TTC13: variants seen among roughly 807,000 people sequenced by gnomAD.
TTC13 encodes the protein tetratricopeptide repeat domain 13.
In TTC13, 62 loss-of-function variants were observed where a neutral mutation model predicts 120.0. The observed-to-expected ratio is 0.52, with a 90% confidence interval of 0.42 to 0.64. The LOEUF (loss-of-function observed/expected upper bound fraction) is 0.64. TTC13 is among the 30% of genes least tolerant of loss of function. The pLI is 0.00. For synonymous variants in TTC13, 384 were observed against 393.5 expected, an observed-to-expected ratio of 0.98 and a Z score of 0.28; for missense variants, 824 against 1,050.2, an observed-to-expected ratio of 0.78 and a Z score of 2.98.
At position 230,911,473 on chromosome 1, in the gene TTC13, G is replaced by A. The variant is rs1665304602; in HGVS notation, c.2306C>T (p.Ser769Phe). ...TTAATGACAGGATATTACTTACCTG[G>A]ATCCTCGAGAGAGTGGCATTAAATT... ...FYNLMPLSRGSSVIAYSVIVG... is the reference protein window; with the variant it reads ...FYNLMPLSRGFSVIAYSVIVG... The change falls in exon 20 of 23, where the codon TCC (serine) becomes TTC (phenylalanine). Residue 769 changes from serine to phenylalanine, a missense_variant. Physicochemically the swap from Ser to Phe is radical, Grantham distance 155. Coordinates refer to ENST00000366661, the MANE Select transcript of TTC13 (RefSeq NM_024525.5). 6.3e-7 allele frequency: 1 copy of A among 1,586,146 alleles called. No homozygotes were observed. The highest frequency in any genetic ancestry group is 8.6e-7 in the Non-Finnish European group (1 of 1,165,592).
intron 4 of TTC13, among the ~76,000 whole-genome samples, chr1:230,953,754 A>G (rs865858125): frequency 2.0e-5 from 3 of 152,358 alleles, no homozygotes; most frequent in African/African-American, 7.2e-5. Context: ...GGCAGCTACC[A>G]GCCTTCTTTG....
At chr1:230,971,469 G>A (rs1677741573) in intron 1 of TTC13, among the ~76,000 whole-genome samples, 1 of 151,752 alleles carries the variant, frequency 6.6e-6, no homozygotes, top group African/African-American at 2.4e-5. Context: ...AAAATGCTCT[G>A]AAGAATTTAT....
At chr1:230,962,645 C>T (rs1286025998) in intron 1 of TTC13, among the ~76,000 whole-genome samples, 1 of 152,146 alleles carries the variant, frequency 6.6e-6, no homozygotes, top group African/African-American at 2.4e-5. Context: ...TATACATGTT[C>T]ATAGTAGCGC....
chr1:230,935,768 A>G (rs1253029883), intron 8 of TTC13, among the ~76,000 whole-genome samples: 1 of 152,196 alleles, frequency 6.6e-6, no homozygotes, highest in African/African-American at 2.4e-5. Flanking sequence ...CAGACTAGAG[A>G]CAGAAGGGAA....
intron 1 of TTC13, among the ~76,000 whole-genome samples, chr1:230,972,851 G>A (rs1677905011): frequency 6.6e-6 from 1 of 152,206 alleles, no homozygotes; most frequent in Non-Finnish European, 1.5e-5. Context: ...GCTATAAAAT[G>A]CTACTTCTAA....
At position 230,954,387 on chromosome 1, in the gene TTC13, C is replaced by G; in HGVS notation, c.459G>C (p.Leu153Phe). Reference protein sequence around the residue: ...TNEELAIAYVLIGSGLYDEAI... With the variant: ...TNEELAIAYVFIGSGLYDEAI... ...CTTCATCATACAGACCACTGCCAAT[C>G]AAGACATAAGCAATAGCTATGAAAC... Residue 153 changes from leucine to phenylalanine, a missense_variant, in exon 4 of 23, where the codon TTG becomes TTC. Leu to Phe is a conservative substitution (Grantham distance 22). This residue lies in a region of TTC13 where 430 missense variants were observed against 626.8 expected (regional missense o/e 0.69). Coordinates refer to ENST00000366661, the MANE Select transcript of TTC13 (RefSeq NM_024525.5). 6.2e-7 allele frequency: 1 copy of G among 1,611,370 alleles called. No homozygotes were observed. The highest frequency in any genetic ancestry group is 8.5e-7 in the Non-Finnish European group (1 of 1,178,448).
chr1:230,936,267 G>C (rs1373407614), intron 8 of TTC13: 2 of 456,064 alleles, frequency 4.4e-6, no homozygotes, highest in Admixed American at 2.4e-5. Flanking sequence ...ACCTCATTCT[G>C]CCAAAGAGGG....
chr1:230,914,215 G>C (rs530011958), intron 18 of TTC13, among the ~76,000 whole-genome samples: 1 of 151,948 alleles, frequency 6.6e-6, no homozygotes, highest in Non-Finnish European at 1.5e-5. Flanking sequence ...ACATGGGTTC[G>C]AACTGCATGG....
At chr1:230,977,707 A>G (rs947059279) in intron 1 of TTC13, among the ~76,000 whole-genome samples, 8 of 152,358 alleles carry the variant, frequency 5.3e-5, no homozygotes, top group Non-Finnish European at 4.4e-5. Flanking sequence ...GCAAGCCATA[A>G]GGGAACTCAC....
At chr1:230,955,521 A>G (rs1313850196) in intron 3 of TTC13, among the ~76,000 whole-genome samples, 7 of 151,414 alleles carry the variant, frequency 4.6e-5, no homozygotes, top group Non-Finnish European at 4.4e-5. Flanking sequence ...AAAAAAAAAA[A>G]TTAGCTGGGC....
rs774589941 is a variant in TTC13 at position 230,920,575 on chromosome 1, A to G, written c.1918T>C (p.Leu640=). The change falls in exon 17 of 23, where the codon TTG becomes CTG. Residue 640 remains leucine (L), a synonymous_variant. Transcript: ENST00000366661. ...TCCAGGGCTTCCCGAACTTCCAGCA[A>G]TCCTTTAGGATTATTAGCTCTTAAA... ...VYHGANNPKG[L]LEVREALEKV... 1.3e-6 allele frequency: 2 copies of G among 1,588,474 alleles called. No individual in the cohort carries two copies. The highest frequency in any genetic ancestry group is 3.7e-5 in the Admixed American group (2 of 54,664).
intron 1 of TTC13, among the ~76,000 whole-genome samples, chr1:230,976,169 C>T (rs993968698): frequency 1.3e-5 from 2 of 152,124 alleles, no homozygotes; most frequent in African/African-American, 4.8e-5. Context: ...AAGCAAGAGA[C>T]GATGGCATGA....
At chr1:230,943,006 T>C (rs550353884) in intron 6 of TTC13, among the ~76,000 whole-genome samples, 2 of 152,238 alleles carry the variant, frequency 1.3e-5, no homozygotes, top group Non-Finnish European at 2.9e-5. Context: ...TATGTATCCA[T>C]GCACCTAGGT....
chr1:230,933,003 C>T lies in TTC13; in HGVS notation c.983+776G>A, dbSNP rs1466078593. Among the ~76,000 whole-genome samples the T allele has an allele frequency of 5.9e-5, 9 of 152,250 alleles. No individual in the cohort carries two copies. The East Asian group carries it at 1.4e-3, about 23-fold the overall frequency. The stretch of plus-strand genomic sequence containing the variant: ...TTTTTCCTGTTTTGAGATAGAGTCT[C>T]GCTCTGTCGCCCAAGCTGGAGTGCA... On this transcript the variant is annotated intron_variant, in intron 9 of 22. Coordinates refer to ENST00000366661, the MANE Select transcript of TTC13 (RefSeq NM_024525.5).
In TTC13 at chr1:230,978,240, G is replaced by A. The variant is rs1678561958; in HGVS notation, c.271+320C>T. Among the ~76,000 whole-genome samples the A allele has an allele frequency of 6.6e-6, 1 of 152,114 alleles. No individual in the cohort carries two copies. Among genetic ancestry groups the A allele is most frequent in the Non-Finnish European group, 1.5e-5 (1 of 67,998 alleles). The stretch of plus-strand genomic sequence containing the variant: ...CCGGCGGCGGGAACAGGGCTGCCCC[G>A]GGCCACCTGCCATCTCCTCCGCCAC... On this transcript the variant is annotated intron_variant, in intron 1 of 22. Transcript: ENST00000366661. This position sits in a 1 kb window ranked among gnomAD's most constrained non-coding sequence, Gnocchi z 5.6.
At chr1:230,967,487 A>G (rs187792637) in intron 1 of TTC13, among the ~76,000 whole-genome samples, 86 of 152,202 alleles carry the variant, frequency 5.7e-4, no homozygotes, top group Middle Eastern at 3.4e-3. Flanking sequence ...AGATGTTTCT[A>G]TGATTTTTCT....
rs201444450 is a variant in TTC13, at chr1:230,931,723, T to C, written c.1125+13A>G. ...TAATTCCAATTACAGTGTTCTTATT[T>C]ATGGATGCTCACCTTAAAGTTCTTA... is the stretch of plus-strand genomic sequence containing the variant. On this transcript the variant is annotated intron_variant, in intron 10 of 22. Coordinates refer to ENST00000366661, the MANE Select transcript of TTC13 (RefSeq NM_024525.5). The C allele has an allele frequency of 2.5e-6, 4 of 1,612,822 alleles. No individual in the cohort carries two copies. In the African/African-American group the frequency reaches 4.0e-5, roughly 16 times the overall value.
At position 230,906,267 on chromosome 1, in the gene TTC13, A is replaced by G. The variant is rs1490039920; in HGVS notation, c.*638T>C. The G allele has an allele frequency of 6.6e-6, 1 of 152,238 alleles. No individual in the cohort carries two copies. Among genetic ancestry groups the G allele is most frequent in the African/African-American group, 2.4e-5 (1 of 41,462 alleles). The allele number at this position is 152,238 out of a possible 1,614,324, so 9.4% of individuals were successfully genotyped here. On this transcript the variant is annotated 3_prime_UTR_variant, in exon 23 of 23. Transcript: ENST00000366661. Reference sequence around the variant, plus strand: ...ATCCAATGCCAAAAACTGGTGATTTATAGAAATCACCCTGGTTTATTTTTT... The same window carrying G: ...ATCCAATGCCAAAAACTGGTGATTTGTAGAAATCACCCTGGTTTATTTTTT...
rs1476630926 is a variant in TTC13 at position 230,942,838 on chromosome 1, C to G, written c.672+968G>C. The stretch of plus-strand genomic sequence containing the variant: ...TCAGCTCTAGCCTCGCTTCCTCCGA[C>G]AGCCTCAGCAAACACTCCCAACATT... On this transcript the variant is annotated intron_variant, in intron 6 of 22. Coordinates refer to ENST00000366661, the MANE Select transcript of TTC13 (RefSeq NM_024525.5). This position sits in a 1 kb window ranked among gnomAD's most constrained non-coding sequence, Gnocchi z 4.0. Among the ~76,000 whole-genome samples the G allele has an allele frequency of 6.6e-6, 1 of 152,202 alleles. No homozygotes were observed. Among genetic ancestry groups the G allele is most frequent in the South Asian group, 2.1e-4 (1 of 4,836 alleles).
Sources: allele counts gnomAD v4.1 joint callset (sites outside exome capture counted in the v4.1 genomes callset), GRCh38; gene constraint gnomAD v4.1.1; regional missense constraint gnomAD v4.1.1; non-coding constraint Gnocchi (gnomAD v3.1); transcripts MANE v1.5; gene names NCBI Gene and HGNC (gene_info 2026-07-23, HGNC 2026-07-21).